The following CACTIN variants were observed in gnomAD, a reference collection of about 807,000 sequenced individuals.
CACTIN encodes splicing factor Cactin.
In CACTIN, 20 loss-of-function variants were observed where a neutral mutation model predicts 84.9. The observed-to-expected ratio is 0.24, with a 90% CI of 0.17 to 0.34. The LOEUF is 0.34. CACTIN is among the 10% of genes least tolerant of loss of function. The pLI is 1.00. For missense variants in CACTIN, 897 were observed against 1,117.2 expected (o/e 0.80, Z 2.81); for synonymous variants, 549 against 467.9 (o/e 1.17, Z -2.24).
chr19:3,614,442 C>A lies in CACTIN; in HGVS notation c.1310G>T (p.Trp437Leu). ...ACGAAGCTGCTGCAGGAGGCTCTCC[C>A]AGTAGCCCATGTCCAGGTTGGGGCC... is the stretch of plus-strand genomic sequence containing the variant. ...AGGPNLDMGY[W>L]ESLLQQLRAH... is the part of the protein sequence containing the mutation. The change falls in exon 7 of 10, where the codon TGG (tryptophan) becomes TTG (leucine). Residue 437 changes from tryptophan (W) to leucine (L), a missense_variant. Around this residue, in one of 8 missense-constraint regions of CACTIN, gnomAD observed 304 missense variants for 444.3 expected, o/e 0.68. Coordinates refer to ENST00000429344, the MANE Select transcript of CACTIN (RefSeq NM_001080543.2). 1 of 1,594,388 alleles carries A rather than the reference C, an allele frequency of 6.3e-7. No individual in the cohort carries two copies. The highest frequency in any genetic ancestry group is 8.5e-7 in the Non-Finnish European group (1 of 1,170,698).
intron 9 of CACTIN, 40 bp from the exon 10 acceptor site, chr19:3,612,453 C>T (rs761654770): frequency 2.0e-6 from 3 of 1,536,854 alleles, no homozygotes; most frequent in Admixed American, 1.8e-5. Context: ...TCGGCCTCCC[C>T]CTGGGTCCTG....
rs778708659 is a variant in CACTIN, at chr19:3,611,213, G to A, written c.*710C>T. On this transcript the variant is annotated 3_prime_UTR_variant, in exon 10 of 10. Transcript: ENST00000429344. ...CGACCTTGACAGAGACAGGGACCTC[G>A]ACGCATCCTCCATACCCGCTGCGGG... 37 of 430,674 alleles carry A rather than the reference G, an allele frequency of 8.6e-5. No individual in the cohort carries two copies. The highest frequency in any genetic ancestry group is 1.5e-4 in the South Asian group (9 of 61,588). 26.7% of individuals were successfully genotyped at this position (430,674 alleles called of 1,614,324 possible).
chr19:3,613,641 C>T, intron 7 of CACTIN, 55 bp from the exon 8 acceptor site: 1 of 1,552,322 alleles, frequency 6.4e-7, no homozygotes. Context: ...CCGCGCCCCA[C>T]CCCCACCGAG....
At chr19:3,620,457 A>G (rs1404524511) in intron 3 of CACTIN, 185 bp from the exon 4 acceptor site, 1 of 764,484 alleles carries the variant, frequency 1.3e-6, no homozygotes, top group Non-Finnish European at 2.2e-6. Context: ...GAGACTCAGC[A>G]GCTCAGATCA....
Position 3,612,127 on chromosome 19 carries a change from C to G in CACTIN, c.2073G>C (p.Thr691=), listed in dbSNP as rs1296909477. The change falls in exon 10 of 10, where the codon ACG becomes ACC. Residue 691 remains threonine (T), a synonymous_variant. Coordinates refer to ENST00000429344, the MANE Select transcript of CACTIN (RefSeq NM_001080543.2). The part of the protein sequence containing the change: ...FYPDLIDKRS[T]PEYFLEACAD... ...CGCAGGCCTCCAGGAAGTACTCGGG[C>G]GTGGAGCGCTTGTCGATGAGGTCGG... 1 of 1,613,674 alleles carries G rather than the reference C, an allele frequency of 6.2e-7. No individual in the cohort carries two copies. The highest frequency in any genetic ancestry group is 2.2e-5 in the East Asian group (1 of 44,896).
chr19:3,623,068 T>C (rs1425986635), intron 2 of CACTIN, among the ~76,000 whole-genome samples: 5 of 152,112 alleles, frequency 3.3e-5, no homozygotes, highest in Non-Finnish European at 7.4e-5. Context: ...AGACTCCATC[T>C]TTACAAAAAA....
Position 3,620,722 on chromosome 19 carries a change from C to A in CACTIN, c.723G>T (p.Arg241=), listed in dbSNP as rs780070023. The A allele has an allele frequency of 1.2e-6, 2 of 1,612,296 alleles. No individual in the cohort carries two copies. ...GGGTGCCTACCTTCTGCAGCTCCAG[C>A]CGGTTGTCCTCCTGGATCCTCTTGT... ...ERNKRIQEDN[R]LELQKVKQLR... The change falls in exon 3 of 10, where the codon CGG becomes CGT. Residue 241 remains arginine (R), a synonymous_variant. Coordinates refer to ENST00000429344, the MANE Select transcript of CACTIN (RefSeq NM_001080543.2).
At chr19:3,614,231 C>G (rs1001259480) in intron 7 of CACTIN, among the ~76,000 whole-genome samples, 166 bp downstream of exon 7, 40 of 152,244 alleles carry the variant, frequency 2.6e-4, no homozygotes, top group Admixed American at 4.6e-4. Flanking sequence ...CCCCGGCCCC[C>G]CTTCGTCACT....
At chr19:3,621,795 C>T (rs543846649) in intron 2 of CACTIN, among the ~76,000 whole-genome samples, 5 of 152,192 alleles carry the variant, frequency 3.3e-5, no homozygotes, top group Non-Finnish European at 5.9e-5. Flanking sequence ...CGGAAGAGAA[C>T]AGCCGGGGAA....
chr19:3,620,687 T>A lies in CACTIN; in HGVS notation c.738+20A>T, dbSNP rs756842581. 1.3e-6 allele frequency: 2 copies of A among 1,590,448 alleles called. No individual in the cohort carries two copies. The highest frequency in any genetic ancestry group is 2.2e-5 in the South Asian group (2 of 88,938). On this transcript the variant is annotated intron_variant, in intron 3 of 9. Coordinates refer to ENST00000429344, the MANE Select transcript of CACTIN (RefSeq NM_001080543.2). Reference sequence around the variant, plus strand: ...CCTGGAAAGGGAGGGCCCTGCCCAGTGGGCTGGCAGGGTGCCTACCTTCTG... The same window carrying A: ...CCTGGAAAGGGAGGGCCCTGCCCAGAGGGCTGGCAGGGTGCCTACCTTCTG...
intron 6 of CACTIN, chr19:3,616,486 G>C (rs2033109070): frequency 6.6e-6 from 1 of 152,062 alleles, no homozygotes; most frequent in South Asian, 2.1e-4. Flanking sequence ...GTAGGTGCCT[G>C]TAATCCCAGC....
intron 4 of CACTIN, 70 bp from the exon 5 acceptor site, chr19:3,619,312 G>T (rs2033173540): frequency 2.6e-6 from 4 of 1,545,246 alleles, no homozygotes; most frequent in Admixed American, 3.7e-5. Context: ...CCTGCCCTTG[G>T]GGTGACCACA....
Position 3,612,695 on chromosome 19 carries a change from C to T in CACTIN, c.1787-282G>A, listed in dbSNP as rs540798743. ...CGACAGGAGAACCTGGTGGTTAGGG[C>T]CTGGCTGCGGGATCCAGCCCCACGC... On this transcript the variant is annotated intron_variant, in intron 9 of 9. Coordinates refer to ENST00000429344, the MANE Select transcript of CACTIN (RefSeq NM_001080543.2). 3.3e-4 allele frequency: 230 copies of T among 702,928 alleles called. 4 individuals are homozygous for T. The South Asian group carries it at 3.4e-3, about 10-fold the overall frequency. 43.5% of individuals were successfully genotyped at this position (702,928 alleles called of 1,614,324 possible). A position where few individuals can be genotyped will look rare whatever the true frequency, so the allele number is the denominator to read the frequency against.
At chr19:3,612,932 C>CG (rs1423859840) in intron 9 of CACTIN, 126 bp downstream of exon 9, 2 of 1,176,028 alleles carry the variant, frequency 1.7e-6, no homozygotes, top group Non-Finnish European at 1.2e-6. Context: ...CTCAGAGACC[C>CG]GGGGGAGAAG....
intron 1 of CACTIN, among the ~76,000 whole-genome samples, chr19:3,625,885 C>T (rs2033322665): frequency 6.6e-6 from 1 of 152,204 alleles, no homozygotes; most frequent in South Asian, 2.1e-4. Flanking sequence ...TGTACTGGAG[C>T]CGGCTCAAGG....
Position 3,613,452 on chromosome 19 carries a change from G to A in CACTIN, c.1478+12C>T, listed in dbSNP as rs377390799. Reference sequence around the variant, plus strand: ...TCTGCATCGGCGTCCCCGGGGTGCCGGCCGGGCCTACCTGCGGCTGGGGGA... The same window carrying A: ...TCTGCATCGGCGTCCCCGGGGTGCCAGCCGGGCCTACCTGCGGCTGGGGGA... On this transcript the variant is annotated intron_variant, in intron 8 of 9. Transcript: ENST00000429344. 39 of 1,568,846 alleles carry A rather than the reference G, an allele frequency of 2.5e-5. No individual in the cohort carries two copies. The highest frequency in any genetic ancestry group is 3.4e-5 in the Non-Finnish European group (39 of 1,162,654).
Position 3,612,069 on chromosome 19 carries a change from G to A in CACTIN, c.2131C>T (p.His711Tyr). 1 of 1,613,902 alleles carries A rather than the reference G, an allele frequency of 6.2e-7. No individual in the cohort carries two copies. The highest frequency in any genetic ancestry group is 8.5e-7 in the Non-Finnish European group (1 of 1,179,908). ...DNKDFAILRFHAGPPYEDIAF... is the reference protein window; with the variant it reads ...DNKDFAILRFYAGPPYEDIAF... Reference sequence around the variant, plus strand: ...ATGTCCTCGTAGGGCGGCCCCGCGTGGAAGCGCAGGATGGCGAAATCCTTG... The same window carrying A: ...ATGTCCTCGTAGGGCGGCCCCGCGTAGAAGCGCAGGATGGCGAAATCCTTG... Residue 711 changes from histidine (H) to tyrosine (Y), a missense_variant, in exon 10 of 10, where the codon CAC (histidine) becomes TAC (tyrosine). Physicochemically the swap from His to Tyr is moderately conservative, Grantham distance 83 (BLOSUM62 2). Coordinates refer to ENST00000429344, the MANE Select transcript of CACTIN (RefSeq NM_001080543.2).
chr19:3,612,979 C>T (rs1488849781), intron 9 of CACTIN, 79 bp downstream of exon 9: 3 of 1,486,248 alleles, frequency 2.0e-6, no homozygotes, highest in South Asian at 2.5e-5. Flanking sequence ...GCGGCTTCGG[C>T]CGGGAAATGA....
At position 3,620,689 on chromosome 19, in the gene CACTIN, G is replaced by A; in HGVS notation, c.738+18C>T. 6.3e-7 allele frequency: 1 copy of A among 1,592,766 alleles called. No individual in the cohort carries two copies. The highest frequency in any genetic ancestry group is 8.6e-7 in the Non-Finnish European group (1 of 1,166,158). ...TGGAAAGGGAGGGCCCTGCCCAGTG[G>A]GCTGGCAGGGTGCCTACCTTCTGCA... is the stretch of plus-strand genomic sequence containing the variant. On this transcript the variant is annotated intron_variant, in intron 3 of 9. Transcript: ENST00000429344.
Sources: gnomAD v4.1 joint callset for allele counts (sites outside exome capture counted in the v4.1 genomes callset) on GRCh38, gnomAD v4.1.1 for gene constraint, gnomAD v4.1.1 regional missense constraint, MANE v1.5 for transcripts, NCBI Gene and HGNC (gene_info 2026-07-23, HGNC 2026-07-21) for gene names.